The following DLG5 variants were observed in gnomAD, a reference collection of about 807,000 sequenced individuals.
DLG5 encodes the protein discs large MAGUK scaffold protein 5.
Under a neutral mutation model 189.8 loss-of-function variants are expected in DLG5, and 48 were observed. The ratio of observed to expected loss-of-function variants is 0.25; its 90% CI spans 0.20 to 0.32. DLG5 has a LOEUF of 0.32. Ranked by LOEUF, DLG5 falls within the 10% of genes least tolerant of loss-of-function variation. The pLI, the probability that DLG5 is intolerant of heterozygous loss-of-function variation, is 1.00. For missense variants in DLG5, 2,160 were observed against 2,544.7 expected, an observed-to-expected ratio of 0.85 and a Z score of 3.25; for synonymous variants, 1,016 against 1,054.1, an observed-to-expected ratio of 0.96 and a Z score of 0.70.
intron 1 of DLG5, among the ~76,000 whole-genome samples, chr10:77,914,281 A>G (rs556964510): frequency 6.6e-6 from 1 of 152,288 alleles, no homozygotes; most frequent in African/African-American, 2.4e-5. Flanking sequence ...AACTCCAAGT[A>G]TGGCCTATGC....
chr10:77,930,457 C>G (rs1028628949), upstream of DLG5, among the ~76,000 whole-genome samples: 6 of 151,770 alleles, frequency 4.0e-5, no homozygotes, highest in Non-Finnish European at 8.8e-5. Context: ...AAGCGATTCT[C>G]CTGCCTCAGC....
chr10:77,797,479 C>T (rs2812423), intron 27 of DLG5, among the ~76,000 whole-genome samples: 40,011 of 152,118 alleles, frequency 0.26, 5,777 homozygotes, highest in Admixed American at 0.39. Flanking sequence ...CAAGAGAGCA[C>T]GCAAGAGCTG....
chr10:77,902,042 C>T (rs1845942327), intron 1 of DLG5, among the ~76,000 whole-genome samples: 2 of 152,214 alleles, frequency 1.3e-5, no homozygotes, highest in African/African-American at 4.8e-5. Flanking sequence ...GAGCTCCTCT[C>T]ACTCGCTGCC....
intron 1 of DLG5, among the ~76,000 whole-genome samples, chr10:77,916,534 C>G (rs1303258320): frequency 6.6e-6 from 1 of 151,828 alleles, no homozygotes; most frequent in East Asian, 1.9e-4. Flanking sequence ...TCAGATGATC[C>G]ACCCGCCTCA....
intron 1 of DLG5, among the ~76,000 whole-genome samples, chr10:77,901,264 G>A (rs1223515105): frequency 6.6e-6 from 1 of 152,196 alleles, no homozygotes; most frequent in Non-Finnish European, 1.5e-5. Flanking sequence ...CATTCATCCT[G>A]ACTACTACAG....
Position 77,821,230 on chromosome 10 carries a change from G to T in DLG5, c.3254C>A (p.Ser1085Tyr). ...SSYYPEGDGD[S>Y]SHLPAKKSCD... Reference sequence around the variant, plus strand: ...GGATTTCTTGGCCGGCAGGTGGGAGGAGTCCCCATCTCCTTCAGGGTAGTA... The same window carrying T: ...GGATTTCTTGGCCGGCAGGTGGGAGTAGTCCCCATCTCCTTCAGGGTAGTA... Residue 1085 changes from serine (S) to tyrosine (Y), a missense_variant, in exon 15 of 32, where the codon TCC becomes TAC. Ser to Tyr is a moderately radical substitution (Grantham distance 144). Transcript: ENST00000372391. 2 of 1,614,104 alleles carry T rather than the reference G, an allele frequency of 1.2e-6. No individual in the cohort carries two copies. The highest frequency in any genetic ancestry group is 1.7e-6 in the Non-Finnish European group (2 of 1,180,044).
At chr10:77,842,444 A>C (rs1204215399) in intron 6 of DLG5, among the ~76,000 whole-genome samples, 1 of 152,276 alleles carries the variant, frequency 6.6e-6, no homozygotes, top group Non-Finnish European at 1.5e-5. Flanking sequence ...TCCACTAGAA[A>C]CAACAGCATA....
Position 77,792,465 on chromosome 10 carries a change from A to C in DLG5, c.5735T>G (p.Leu1912Arg). ...AMVNQEQNKV[L>R]WIPACPL Reference sequence around the variant, plus strand: ...CTAGAGCGGGCAGGCTGGAATCCACAGGACTTTATTTTGTTCTTGATTGAC... The same window carrying C: ...CTAGAGCGGGCAGGCTGGAATCCACCGGACTTTATTTTGTTCTTGATTGAC... Residue 1912 changes from leucine to arginine, a missense_variant, in exon 32 of 32, where the codon CTG (leucine) becomes CGG (arginine). Physicochemically the swap from Leu to Arg is moderately radical, Grantham distance 102. This residue lies in a region of DLG5 where 574 missense variants were observed against 644.2 expected (regional missense o/e 0.89). Transcript: ENST00000372391. 6.2e-7 allele frequency: 1 copy of C among 1,614,224 alleles called. No homozygotes were observed. The highest frequency in any genetic ancestry group is 8.5e-7 in the Non-Finnish European group (1 of 1,180,032).
chr10:77,817,029 C>G lies in DLG5; in HGVS notation c.3852G>C (p.Arg1284=), dbSNP rs1313696584. ...TACCTCTCTCGGAGCCCACGACACT[C>G]CGCGGATATCTTGGTGTTGATGGGA... ...IKIPSTPRYP[R]SVVGSERGSV... is the part of the protein sequence containing the mutation. The change falls in exon 19 of 32, where the codon CGG becomes CGC. Residue 1284 remains arginine, a synonymous_variant. Coordinates refer to ENST00000372391, the MANE Select transcript of DLG5 (RefSeq NM_004747.4). The G allele has an allele frequency of 6.2e-7, 1 of 1,614,042 alleles. No individual in the cohort carries two copies. The highest frequency in any genetic ancestry group is 1.3e-5 in the African/African-American group (1 of 74,930).
intron 1 of DLG5, among the ~76,000 whole-genome samples, chr10:77,923,888 G>C (rs1184714992): frequency 1.3e-5 from 2 of 151,972 alleles, no homozygotes; most frequent in Non-Finnish European, 2.9e-5. Context: ...TTTTTGAGAA[G>C]GAGTCTTGCT....
chr10:77,846,194 G>A (rs1011996063), intron 5 of DLG5, among the ~76,000 whole-genome samples: 4 of 151,480 alleles, frequency 2.6e-5, no homozygotes, highest in African/African-American at 9.7e-5. Context: ...GCAGTGAGCC[G>A]AGATCACGCC....
At chr10:77,938,985 C>A in the DLG5 span, among the ~76,000 whole-genome samples, 3 of 152,300 alleles carry the variant, frequency 2.0e-5, no homozygotes, top group South Asian at 6.2e-4. Flanking sequence ...AAGTTCCAGA[C>A]CAGCCTGACC....
intron 7 of DLG5, among the ~76,000 whole-genome samples, chr10:77,840,717 T>C (rs1400384465): frequency 2.0e-5 from 3 of 150,812 alleles, no homozygotes; most frequent in African/African-American, 7.3e-5. Flanking sequence ...CTCAGTCTCA[T>C]AAAAAAAAAG....
In DLG5 at chr10:77,856,746, T is replaced by C; in HGVS notation, c.520A>G (p.Thr174Ala). 6.2e-7 allele frequency: 1 copy of C among 1,613,356 alleles called. No individual in the cohort carries two copies. The highest frequency in any genetic ancestry group is 8.5e-7 in the Non-Finnish European group (1 of 1,179,878). Residue 174 changes from threonine (T) to alanine (A), a missense_variant, in exon 3 of 32, where the codon ACG (threonine) becomes GCG (alanine). Physicochemically the swap from Thr to Ala is moderately conservative, Grantham distance 58. This residue lies in a region of DLG5 where 664 missense variants were observed against 838.5 expected (regional missense o/e 0.79). Transcript: ENST00000372391. ...RKRLAFATHG[T>A]AFDKRPYHRL... is the part of the protein sequence containing the mutation. ...AATTACTACCTCTTGTCAAAGGCCGTGCCATGCGTAGCAAAGGCCAGGCGC... is the reference window on the plus strand; with the variant it reads ...AATTACTACCTCTTGTCAAAGGCCGCGCCATGCGTAGCAAAGGCCAGGCGC...
At chr10:77,825,369 C>T (rs1842570914) in intron 13 of DLG5, among the ~76,000 whole-genome samples, 1 of 126,898 alleles carries the variant, frequency 7.9e-6, no homozygotes, top group South Asian at 2.6e-4. Context: ...TTTAACCACA[C>T]ACAACCACAC....
At chr10:77,919,983 G>A (rs143353644) in intron 1 of DLG5, among the ~76,000 whole-genome samples, 35 of 152,232 alleles carry the variant, frequency 2.3e-4, no homozygotes, top group African/African-American at 7.7e-4. Flanking sequence ...CTATTCATTC[G>A]TTCAACAAAA....
At chr10:77,913,754 A>AT (rs892741739) in intron 1 of DLG5, among the ~76,000 whole-genome samples, 7 of 151,384 alleles carry the variant, frequency 4.6e-5, no homozygotes, top group South Asian at 2.1e-4. Context: ...TGCTCAGCTA[A>AT]TTTTTTTTTA....
chr10:77,841,964 C>T lies in DLG5; in HGVS notation c.1354G>A (p.Glu452Lys), dbSNP rs372158883. Residue 452 changes from glutamate (E) to lysine (K), a missense_variant, in exon 7 of 32, where the codon GAA (glutamate) becomes AAA (lysine). Glu to Lys is a moderately conservative substitution (Grantham distance 56). This residue lies in a region of DLG5 where 664 missense variants were observed against 838.5 expected (regional missense o/e 0.79). Coordinates refer to ENST00000372391, the MANE Select transcript of DLG5 (RefSeq NM_004747.4). ...VISELDKLQT[E>K]VELAESKLKS... ...AGCTTGGACTCGGCCAGCTCCACTTCGGTCTGCAGCTTGTCCAGCTCAGAG... is the reference window on the plus strand; with the variant it reads ...AGCTTGGACTCGGCCAGCTCCACTTTGGTCTGCAGCTTGTCCAGCTCAGAG... The T allele has an allele frequency of 5.6e-6, 9 of 1,614,058 alleles. No individual in the cohort carries two copies. The highest frequency in any genetic ancestry group is 3.3e-5 in the South Asian group (3 of 91,088).
chr10:77,841,832 G>T (rs747645923), intron 7 of DLG5, 49 bp downstream of exon 7: 1 of 1,568,448 alleles, frequency 6.4e-7, no homozygotes. Context: ...CCCTCTTCCC[G>T]GGATGCTGTA....
Sources: allele counts gnomAD v4.1 joint callset (sites outside exome capture counted in the v4.1 genomes callset), GRCh38; gene constraint gnomAD v4.1.1; regional missense constraint gnomAD v4.1.1; transcripts MANE v1.5; gene names NCBI Gene and HGNC (gene_info 2026-07-23, HGNC 2026-07-21).